IRF2: variants seen among roughly 807,000 people sequenced by gnomAD.
IRF2 encodes interferon regulatory factor 2.
IRF2 carries 15 observed loss-of-function variants against 40.6 expected under a neutral mutation model. That is an observed-to-expected ratio of 0.37 (90% CI 0.25 to 0.57). The LOEUF (loss-of-function observed/expected upper bound fraction) is 0.57, where lower values mean the gene tolerates loss of function less well. Among genes scored for constraint, IRF2 ranks in the 20% least tolerant of loss-of-function variants. The pLI is 0.77. For synonymous variants in IRF2, 151 were observed against 165.5 expected, an observed-to-expected ratio of 0.91 and a Z score of 0.67; for missense variants, 317 against 455.7, an observed-to-expected ratio of 0.70 and a Z score of 2.77.
intron 6 of IRF2, among the ~76,000 whole-genome samples, chr4:184,402,081 G>A (rs537184703): frequency 6.6e-6 from 1 of 152,354 alleles, no homozygotes; most frequent in African/African-American, 2.4e-5. Context: ...AGCAGCGGAA[G>A]ATCGATGCAG....
chr4:184,401,203 T>G (rs1736652689), intron 6 of IRF2, among the ~76,000 whole-genome samples: 1 of 152,234 alleles, frequency 6.6e-6, no homozygotes, highest in Non-Finnish European at 1.5e-5. Context: ...TTTTAATCAC[T>G]CCAAGTATTT....
intron 1 of IRF2, among the ~76,000 whole-genome samples, chr4:184,438,826 A>C (rs1738184713): frequency 6.6e-6 from 1 of 152,194 alleles, no homozygotes; most frequent in Admixed American, 6.5e-5. Flanking sequence ...GTTCGGAGCA[A>C]AGATAACAGG....
chr4:184,449,055 G>A (rs1426057782), intron 1 of IRF2: 2 of 152,500 alleles, frequency 1.3e-5, no homozygotes, highest in African/African-American at 4.8e-5. Context: ...CCCACACTGA[G>A]AACAGAAACC....
At position 184,399,146 on chromosome 4, in the gene IRF2, A is replaced by G. The variant is rs1240100789; in HGVS notation, c.530-67T>C. The G allele has an allele frequency of 2.7e-5, 41 of 1,491,984 alleles. No individual in the cohort carries two copies. In the South Asian group the frequency reaches 5.2e-4, roughly 19 times the overall value. 92.4% of individuals were successfully genotyped at this position (1,491,984 alleles called of 1,614,324 possible). On this transcript the variant is annotated intron_variant, in intron 6 of 8. Coordinates refer to ENST00000393593, the MANE Select transcript of IRF2 (RefSeq NM_002199.4). ...CACAATTCTAGCACACTTTCTCAAGAAAGAGTCTTCCCCAAAAGAGCCAGG... is the reference window on the plus strand; with the variant it reads ...CACAATTCTAGCACACTTTCTCAAGGAAGAGTCTTCCCCAAAAGAGCCAGG...
At chr4:184,472,729 G>C (rs903948092) in intron 1 of IRF2, 1 of 152,360 alleles carries the variant, frequency 6.6e-6, no homozygotes, top group African/African-American at 2.4e-5. Context: ...GGTCAGAAAC[G>C]AGCGAAAGCC....
chr4:184,433,824 G>A (rs911403549), intron 1 of IRF2, among the ~76,000 whole-genome samples: 4 of 152,158 alleles, frequency 2.6e-5, no homozygotes, highest in Admixed American at 1.3e-4. Context: ...CTTGCCTCGC[G>A]ACACGGTACA....
intron 6 of IRF2, among the ~76,000 whole-genome samples, chr4:184,399,672 C>T (rs908435735): frequency 3.3e-5 from 5 of 152,126 alleles, no homozygotes; most frequent in Admixed American, 1.3e-4. Context: ...AGCTGGGTGG[C>T]GCTCTGCTTA....
At chr4:184,430,292 C>A (rs1488659777) in intron 1 of IRF2, among the ~76,000 whole-genome samples, 1 of 117,154 alleles carries the variant, frequency 8.5e-6, no homozygotes, top group African/African-American at 3.0e-5. Context: ...CTGTCTGGCC[C>A]AGCCTTTTCC....
chr4:184,423,913 A>C (rs1737571348), intron 2 of IRF2, among the ~76,000 whole-genome samples: 2 of 152,250 alleles, frequency 1.3e-5, no homozygotes, highest in Admixed American at 6.5e-5. Context: ...TACTCAAGGC[A>C]TTCTTAATAT....
chr4:184,400,845 C>A (rs1736639776), intron 6 of IRF2, among the ~76,000 whole-genome samples: 1 of 152,166 alleles, frequency 6.6e-6, no homozygotes, highest in Non-Finnish European at 1.5e-5. Context: ...TGACCTCATA[C>A]CACTGTTAGT....
chr4:184,433,259 C>T (rs1049079463), intron 1 of IRF2, among the ~76,000 whole-genome samples: 4 of 152,184 alleles, frequency 2.6e-5, no homozygotes, highest in Non-Finnish European at 4.4e-5. Flanking sequence ...TCCAGGCGAC[C>T]GCTGTGGTCT....
At chr4:184,433,349 A>G (rs931531922) in intron 1 of IRF2, among the ~76,000 whole-genome samples, 1 of 152,090 alleles carries the variant, frequency 6.6e-6, no homozygotes, top group African/African-American at 2.4e-5. Flanking sequence ...TTCATGCTCA[A>G]TGGCCTGGCT....
At chr4:184,394,141 C>T (rs995966316) in intron 7 of IRF2, among the ~76,000 whole-genome samples, 2 of 152,108 alleles carry the variant, frequency 1.3e-5, no homozygotes. Context: ...TGAAGGTGTT[C>T]GTACAGTACC....
intron 2 of IRF2, 86 bp from the exon 3 acceptor site, chr4:184,419,654 G>T (rs1737409949): frequency 2.3e-6 from 2 of 871,700 alleles, no homozygotes; most frequent in Admixed American, 4.6e-5. Context: ...GGTCTAGCCA[G>T]CAAGATTCCC....
chr4:184,417,051 T>C (rs1561097716), intron 5 of IRF2, among the ~76,000 whole-genome samples: 1 of 151,922 alleles, frequency 6.6e-6, no homozygotes. Context: ...CATCTCAGTT[T>C]AAAAAAAATT....
chr4:184,472,090 A>G (rs1410179599), intron 1 of IRF2: 1 of 152,232 alleles, frequency 6.6e-6, no homozygotes, highest in African/African-American at 2.4e-5. Flanking sequence ...TGACACATCA[A>G]TCAATAGATG....
At position 184,460,640 on chromosome 4, in the gene IRF2, C is replaced by T. The variant is rs1013557723; in HGVS notation, c.-7+13739G>A. 3.5e-5 allele frequency among the ~76,000 whole-genome samples: 5 copies of T among 142,400 alleles called. No homozygotes were observed. In the Admixed American group the frequency reaches 3.5e-4, roughly 10 times the overall value. 93.4% of individuals were successfully genotyped at this position (142,400 alleles called of 152,430 possible). A position where few individuals can be genotyped will look rare whatever the true frequency, so the allele number is the denominator to read the frequency against. ...AGCCAAACACACACACACGCATGCACGCACACACACACACACATGCACGCG... is the reference window on the plus strand; with the variant it reads ...AGCCAAACACACACACACGCATGCATGCACACACACACACACATGCACGCG... On this transcript the variant is annotated intron_variant, in intron 1 of 8. Transcript: ENST00000393593.
At chr4:184,452,318 C>G (rs1267370628) in intron 1 of IRF2, among the ~76,000 whole-genome samples, 1 of 152,138 alleles carries the variant, frequency 6.6e-6, no homozygotes, top group Non-Finnish European at 1.5e-5. Context: ...AGGCTTCGGC[C>G]CAGGAAAAGC....
rs2553531 is a variant in IRF2 at position 184,453,264 on chromosome 4, T to G, written c.-7+21115A>C. On this transcript the variant is annotated intron_variant, in intron 1 of 8. Transcript: ENST00000393593. ...GCCATTAAGACCTAAAAGGGTAGAC[T>G]GACTTTTAAAAGTATTTTATAAATT... Among the ~76,000 whole-genome samples, 254 of 152,340 alleles carry G rather than the reference T, an allele frequency of 1.7e-3. 1 individual carries two copies. The highest frequency in any genetic ancestry group is 5.9e-3 in the African/African-American group (245 of 41,588).
Sources: allele counts gnomAD v4.1 joint callset (sites outside exome capture counted in the v4.1 genomes callset), GRCh38; gene constraint gnomAD v4.1.1; transcripts MANE v1.5; gene names NCBI Gene and HGNC (gene_info 2026-07-23, HGNC 2026-07-21).